JUP: variants seen among roughly 807,000 people sequenced by gnomAD.
JUP encodes catenin (cadherin-associated protein), gamma 80kDa.
Under a neutral mutation model 71.1 loss-of-function variants are expected in JUP, and 28 were observed. The observed-to-expected ratio is 0.39, with a 90% confidence interval of 0.29 to 0.54. JUP has a LOEUF of 0.54. Ranked by LOEUF, JUP falls within the 20% of genes least tolerant of loss-of-function variation. JUP has a pLI of 0.62. For missense variants in JUP, 869 were observed against 1,030.1 expected (o/e 0.84, Z 2.14); for synonymous variants, 401 against 438.9 (o/e 0.91, Z 1.08).
At chr17:41,769,769 C>A in intron 2 of JUP, 92 bp from the exon 3 acceptor site, 2 of 1,429,494 alleles carry the variant, frequency 1.4e-6, no homozygotes, top group Non-Finnish European at 1.9e-6. Flanking sequence ...CACCTGGGTC[C>A]TCTGGGCTAC....
At chr17:41,784,195 G>A (rs1555611146) in intron 1 of JUP, among the ~76,000 whole-genome samples, 1 of 152,094 alleles carries the variant, frequency 6.6e-6, no homozygotes, top group East Asian at 1.9e-4. Context: ...TGGGAAAAAG[G>A]TTGGCAGCCC....
intron 5 of JUP, among the ~76,000 whole-genome samples, chr17:41,765,455 A>G (rs1555603690): frequency 1.3e-5 from 2 of 151,946 alleles, no homozygotes; most frequent in African/African-American, 4.8e-5. Context: ...GGGTTCAAGC[A>G]ATTCTCATGC....
At chr17:41,764,658 G>C in intron 7 of JUP, 55 bp downstream of exon 7, 1 of 1,415,298 alleles carries the variant, frequency 7.1e-7, no homozygotes, top group Non-Finnish European at 1.0e-6. Context: ...GCCCAGACAG[G>C]AGGCTGGATG....
chr17:41,769,174 G>C lies in JUP; in HGVS notation c.502C>G (p.Gln168Glu), dbSNP rs1322804388. The change falls in exon 4 of 14, where the codon CAG (glutamine) becomes GAG (glutamate). Residue 168 changes from glutamine to glutamate, a missense_variant. Physicochemically the swap from Gln to Glu is conservative, Grantham distance 29. Transcript: ENST00000393931. ...VVTKAAMIVN[Q>E]LSKKEASRRA... The stretch of plus-strand genomic sequence containing the variant: ...CGCGACGCCTCCTTCTTCGACAGCT[G>C]GTTCACAATCATGGCCGCCTTGGTC... The C allele has an allele frequency of 3.1e-6, 5 of 1,603,086 alleles. No homozygotes were observed. In the Admixed American group the frequency reaches 5.0e-5, roughly 16 times the overall value.
intron 4 of JUP, among the ~76,000 whole-genome samples, chr17:41,768,465 G>A (rs1916061114): frequency 6.6e-6 from 1 of 152,068 alleles, no homozygotes. Flanking sequence ...AGGAGACTGA[G>A]GCAGGAGAAT....
intron 1 of JUP, among the ~76,000 whole-genome samples, chr17:41,776,938 G>A (rs2046915065): frequency 1.3e-5 from 2 of 152,110 alleles, no homozygotes; most frequent in South Asian, 4.1e-4. Flanking sequence ...CCTGGGAGGC[G>A]GAGGTTGCAG....
At chr17:41,777,006 C>CA (rs1157206176) in intron 1 of JUP, among the ~76,000 whole-genome samples, 5 of 149,740 alleles carry the variant, frequency 3.3e-5, no homozygotes, top group Non-Finnish European at 7.4e-5. Context: ...GACTCTGTCT[C>CA]AAAAAAAAAG....
In JUP at chr17:41,768,999, C is replaced by T. The variant is rs1555605138; in HGVS notation, c.677G>A (p.Gly226Asp). Residue 226 changes from glycine to aspartate, a missense_variant, in exon 4 of 14, where the codon GGT (glycine) becomes GAT (aspartate). Transcript: ENST00000393931. ...REGLLAIFKS[G>D]GIPALVRMLS... is the part of the protein sequence containing the mutation. ...CATGCGGACCAGAGCAGGGATGCCA[C>T]CCGACTTGAAGATGGCGAGCAGCCC... is the stretch of plus-strand genomic sequence containing the variant. The T allele has an allele frequency of 6.2e-7, 1 of 1,608,908 alleles. No homozygotes were observed. Among genetic ancestry groups the T allele is most frequent in the Non-Finnish European group, 8.5e-7 (1 of 1,178,036 alleles).
chr17:41,765,043 G>GC lies in JUP; in HGVS notation c.933dup (p.Pro312AlafsTer10). 6.2e-7 allele frequency: 1 copy of GC among 1,614,118 alleles called. No individual in the cohort carries two copies. Among genetic ancestry groups the GC allele is most frequent in the Non-Finnish European group, 8.5e-7 (1 of 1,180,002 alleles). ...CGCATGATCTGCACGAGGGCCTGGG[G>GC]CCCACCATTGGCCAGGATGATCAGC... is the stretch of plus-strand genomic sequence containing the variant. On this transcript the variant is annotated frameshift_variant, in exon 6 of 14. Transcript: ENST00000393931. LOFTEE classifies it high-confidence loss of function.
intron 1 of JUP, among the ~76,000 whole-genome samples, chr17:41,785,709 A>C (rs2047423755): frequency 6.6e-6 from 1 of 152,190 alleles, no homozygotes; most frequent in Non-Finnish European, 1.5e-5. Context: ...TCCAACAATA[A>C]GAGGTTAGAG....
chr17:41,756,245 G>T, intron 12 of JUP, 31 bp from the exon 13 acceptor site: 1 of 1,610,300 alleles, frequency 6.2e-7, no homozygotes. Context: ...ATGGAGGGGA[G>T]GTTTGAAAAT....
chr17:41,777,675 G>A (rs1555609144), intron 1 of JUP, among the ~76,000 whole-genome samples: 1 of 152,256 alleles, frequency 6.6e-6, no homozygotes, highest in African/African-American at 2.4e-5. Context: ...AGTCTGGAGA[G>A]CAGCCCAGGC....
Position 41,769,222 on chromosome 17 carries a change from CA to C in JUP, c.469-16del, listed in dbSNP as rs782421393. On this transcript the variant is annotated splice_polypyrimidine_tract_variant and intron_variant, in intron 3 of 13. Coordinates refer to ENST00000393931, the MANE Select transcript of JUP (RefSeq NM_002230.4). ...GTCACCACCACCTGGAGGGCAAAGG[CA>C]GGGGCGGGGACGTGAGCACTAAGGA... 20 of 1,598,034 alleles carry C rather than the reference CA, an allele frequency of 1.3e-5. No homozygotes were observed. Among genetic ancestry groups the C allele is most frequent in the Middle Eastern group, 1.8e-4 (1 of 5,418 alleles).
chr17:41,761,004 G>A (rs1299713205), intron 8 of JUP, among the ~76,000 whole-genome samples: 1 of 152,078 alleles, frequency 6.6e-6, no homozygotes, highest in South Asian at 2.1e-4. Context: ...TGCCTTCCTT[G>A]TCTCTACATA....
intron 2 of JUP, among the ~76,000 whole-genome samples, chr17:41,770,668 A>G (rs1916510819): frequency 1.3e-5 from 2 of 152,314 alleles, no homozygotes; most frequent in Admixed American, 1.3e-4. Context: ...AGGGCCCTGG[A>G]GGCACCTGTG....
intron 2 of JUP, 146 bp from the exon 3 acceptor site, chr17:41,769,823 CCT>C: frequency 3.5e-6 from 3 of 865,032 alleles, no homozygotes; most frequent in Non-Finnish European, 5.2e-6. Flanking sequence ...GGCCATTCTA[CCT>C]CTCACCAGGA....
intron 1 of JUP, among the ~76,000 whole-genome samples, chr17:41,783,893 CAAAAAAAAA>C (rs35672991): frequency 2.4e-5 from 2 of 81,996 alleles, no homozygotes; most frequent in African/African-American, 1.0e-4. Flanking sequence ...GACTCCATCT[CAAAAAAAAA>C]AAAAAAAAAA....
intron 7 of JUP, among the ~76,000 whole-genome samples, chr17:41,764,094 G>A (rs1312502556): frequency 2.0e-5 from 3 of 152,234 alleles, no homozygotes; most frequent in East Asian, 3.8e-4. Context: ...TTGATAAACA[G>A]CATATTGCTA....
At chr17:41,772,298 G>T in intron 1 of JUP, 1 of 296,944 alleles carries the variant, frequency 3.4e-6, no homozygotes, top group Non-Finnish European at 6.6e-6. Context: ...GGCTCCCTGG[G>T]AAAGGCTGCA....
Sources: gnomAD v4.1 joint callset for allele counts (sites outside exome capture counted in the v4.1 genomes callset) on GRCh38, gnomAD v4.1.1 for gene constraint, MANE v1.5 for transcripts, NCBI Gene and HGNC (gene_info 2026-07-23, HGNC 2026-07-21) for gene names.